ATRX: variants seen among roughly 807,000 people sequenced by gnomAD.
ATRX encodes the protein chromatin remodeler ATRX.
Under a neutral mutation model 172.6 loss-of-function variants are expected in ATRX, and 12 were observed. The observed-to-expected ratio is 0.07, with a 90% CI of 0.04 to 0.11. The LOEUF is 0.11. Ranked by LOEUF, ATRX falls within the 10% of genes least tolerant of loss-of-function variation. The pLI, the probability that ATRX is intolerant of heterozygous loss-of-function variation, is 1.00. For missense variants in ATRX, 1,368 were observed against 1,767.4 expected, an observed-to-expected ratio of 0.77 and a Z score of 4.05; for synonymous variants, 674 against 594.7, an observed-to-expected ratio of 1.13 and a Z score of -1.94.
In ATRX at chrX:77,682,006, T is replaced by G. The variant is rs782060288; in HGVS notation, c.3250A>C (p.Asn1084His). 8.3e-7 allele frequency: 1 copy of G among 1,211,031 alleles called. No homozygotes were observed. The highest frequency in any genetic ancestry group is 1.1e-6 in the Non-Finnish European group (1 of 894,964). Reference protein sequence around the residue: ...CDSSEDKKSKNGAYGREKKRC... With the variant: ...CDSSEDKKSKHGAYGREKKRC... ...TTCTTCTCTCTACCATATGCTCCAT[T>G]CTTACTCTTTTTATCCTCTGAAGAG... The change falls in exon 9 of 35, where the codon AAT becomes CAT. Residue 1084 changes from asparagine (N) to histidine (H), a missense_variant. Physicochemically the swap from Asn to His is moderately conservative, Grantham distance 68. This residue lies in a region of ATRX where 843 missense variants were observed against 643.1 expected (regional missense o/e 1.31). Coordinates refer to ENST00000373344, the MANE Select transcript of ATRX (RefSeq NM_000489.6).
intron 13 of ATRX, among the ~76,000 whole-genome samples, chrX:77,655,950 G>T (rs1320322456): frequency 9.0e-6 from 1 of 110,837 alleles, no homozygotes; most frequent in Non-Finnish European, 1.9e-5. Context: ...TGTAGTAGTA[G>T]TATTATCTAA....
At chrX:77,634,469 G>A in intron 17 of ATRX, 125 bp downstream of exon 17, 1 of 564,596 alleles carries the variant, frequency 1.8e-6, no homozygotes, top group Non-Finnish European at 3.0e-6. Flanking sequence ...CTTGGAGACA[G>A]ATCTTGTTAT....
intron 1 of ATRX, among the ~76,000 whole-genome samples, chrX:77,734,833 C>A (rs545741957): frequency 9.7e-6 from 1 of 103,115 alleles, no homozygotes; most frequent in African/African-American, 3.6e-5. Flanking sequence ...GGTGCTGGCC[C>A]GGCACGGTGG....
chrX:77,689,169 T>C (rs1389187426), intron 6 of ATRX, among the ~76,000 whole-genome samples: 1 of 112,300 alleles, frequency 8.9e-6, no homozygotes, highest in African/African-American at 3.2e-5. Context: ...TGCCATTTTT[T>C]ACAACTTGAA....
At chrX:77,606,725 C>T (rs1198895942) in intron 22 of ATRX, among the ~76,000 whole-genome samples, 2 of 73,995 alleles carry the variant, frequency 2.7e-5, no homozygotes, top group Non-Finnish European at 4.7e-5. Context: ...GAGTTCAAGA[C>T]AAGCCTGGGC....
chrX:77,623,733 C>G (rs1257142745), intron 19 of ATRX, among the ~76,000 whole-genome samples: 1 of 111,791 alleles, frequency 8.9e-6, no homozygotes, highest in Non-Finnish European at 1.9e-5. Context: ...ATCAGGGATG[C>G]AGGGATGGTT....
At chrX:77,533,924 T>C (rs928383721) in intron 30 of ATRX, among the ~76,000 whole-genome samples, 8 of 112,341 alleles carry the variant, frequency 7.1e-5, no homozygotes, top group Non-Finnish European at 1.3e-4. Context: ...TTATACTTTA[T>C]CATCTATTTA....
intron 27 of ATRX, among the ~76,000 whole-genome samples, chrX:77,585,583 CAAAAAAAAAAAAAAAAAAAAAA>C (rs781792876): frequency 3.2e-3 from 27 of 8,553 alleles, no homozygotes; most frequent in South Asian, 8.7e-3. Flanking sequence ...CTCCCCCCAC[CAAAAAAAAAAAAAAAAAAAAAA>C]AAAAAAAAAA....
intron 2 of ATRX, among the ~76,000 whole-genome samples, chrX:77,706,255 A>T (rs1928134759): frequency 9.2e-6 from 1 of 108,830 alleles, no homozygotes; most frequent in Middle Eastern, 4.2e-3. Context: ...AAGTGCTGGG[A>T]TTACAGACAT....
At chrX:77,659,435 A>C (rs1266377962) in intron 12 of ATRX, among the ~76,000 whole-genome samples, 5 of 108,055 alleles carry the variant, frequency 4.6e-5, no homozygotes, top group African/African-American at 1.7e-4. Context: ...TCCTAAATTC[A>C]CTTATTGTTA....
At chrX:77,744,449 T>C (rs1260619607) in intron 1 of ATRX, among the ~76,000 whole-genome samples, 1 of 111,819 alleles carries the variant, frequency 8.9e-6, no homozygotes, top group Non-Finnish European at 1.9e-5. Context: ...TTACAGCACA[T>C]GCACAGAAAT....
intron 1 of ATRX, among the ~76,000 whole-genome samples, chrX:77,779,487 C>T (rs781948382): frequency 1.8e-4 from 20 of 111,548 alleles, no homozygotes; most frequent in Admixed American, 6.8e-4. Context: ...TCATTCAAGA[C>T]TCAATACAGT....
intron 15 of ATRX, among the ~76,000 whole-genome samples, chrX:77,637,039 G>A (rs1344233014): frequency 9.5e-6 from 1 of 105,312 alleles, no homozygotes; most frequent in South Asian, 4.2e-4. Context: ...GGAAGGAGGA[G>A]GAAGGAGGAG....
At chrX:77,751,564 G>A (rs892182830) in intron 1 of ATRX, among the ~76,000 whole-genome samples, 1 of 112,100 alleles carries the variant, frequency 8.9e-6, no homozygotes, top group Non-Finnish European at 1.9e-5. Context: ...ATTGCTTTTG[G>A]TGTTTTAGTC....
At chrX:77,579,847 G>A (rs1418031253) in intron 27 of ATRX, among the ~76,000 whole-genome samples, 2 of 112,361 alleles carry the variant, frequency 1.8e-5, no homozygotes, top group African/African-American at 6.5e-5. Flanking sequence ...GGGAAAGACA[G>A]AGATATGTGA....
chrX:77,521,565 C>T, intron 32 of ATRX, 67 bp from the exon 33 acceptor site: 1 of 896,116 alleles, frequency 1.1e-6, no homozygotes, highest in African/African-American at 1.9e-5. Flanking sequence ...TATAGGGAAT[C>T]CTTCCATTTG....
intron 15 of ATRX, among the ~76,000 whole-genome samples, chrX:77,644,903 G>C (rs1352844633): frequency 9.0e-6 from 1 of 111,004 alleles, no homozygotes; most frequent in Non-Finnish European, 1.9e-5. Context: ...ACAAATACAG[G>C]AATGAACTCA....
rs1428003123 is a variant in ATRX at position 77,530,327 on chromosome X, CTG to C, written c.6700-6928_6700-6927del. On this transcript the variant is annotated intron_variant, in intron 30 of 34. Coordinates refer to ENST00000373344, the MANE Select transcript of ATRX (RefSeq NM_000489.6). ...TGCCCACATCAAAAAGCTAGAAAGA[CTG>C]GGCACAGTGGCTCACGTCTGTAATC... Among the ~76,000 whole-genome samples the C allele has an allele frequency of 2.7e-5, 3 of 111,759 alleles. No individual in the cohort carries two copies. In the Admixed American group the frequency reaches 2.9e-4, roughly 11 times the overall value.
chrX:77,755,536 G>A (rs2075457709), intron 1 of ATRX, among the ~76,000 whole-genome samples: 2 of 111,887 alleles, frequency 1.8e-5, no homozygotes, highest in Non-Finnish European at 3.8e-5. Flanking sequence ...GGTCCTTTTT[G>A]TTGATGTTGA....
Sources: gnomAD v4.1 joint callset for allele counts (sites outside exome capture counted in the v4.1 genomes callset) on GRCh38, gnomAD v4.1.1 for gene constraint, gnomAD v4.1.1 regional missense constraint, MANE v1.5 for transcripts, NCBI Gene and HGNC (gene_info 2026-07-23, HGNC 2026-07-21) for gene names.